PTK2: variants seen among roughly 807,000 people sequenced by gnomAD.
PTK2 encodes protein tyrosine kinase 2, also known as focal adhesion kinase 1.
Under a neutral mutation model 150.1 loss-of-function variants are expected in PTK2, and 45 were observed. The observed-to-expected ratio is 0.30, with a 90% CI of 0.24 to 0.38. The LOEUF (loss-of-function observed/expected upper bound fraction) is 0.38, where lower values mean the gene tolerates loss of function less well. Among genes scored for constraint, PTK2 ranks in the 10% least tolerant of loss-of-function variants. The pLI is 1.00. For missense variants in PTK2, 919 were observed against 1,307.3 expected (o/e 0.70, Z 4.58); for synonymous variants, 432 against 449.2 (o/e 0.96, Z 0.48).
At chr8:140,912,337 T>TA (rs924069054) in intron 2 of PTK2, among the ~76,000 whole-genome samples, 7 of 150,956 alleles carry the variant, frequency 4.6e-5, no homozygotes, top group South Asian at 4.2e-4. Flanking sequence ...GTTTTAACAT[T>TA]AAAAAAAAAT....
At chr8:140,674,228 C>T in intron 29 of PTK2, 70 bp downstream of exon 32, 1 of 1,409,534 alleles carries the variant, frequency 7.1e-7, no homozygotes, top group Non-Finnish European at 1.0e-6. Flanking sequence ...GACATGAACA[C>T]ATCAACTGAG....
chr8:140,890,261 A>G lies in PTK2; in HGVS notation c.195+282T>C, dbSNP rs183475082. 6.7e-4 allele frequency: 231 copies of G among 346,554 alleles called. 1 individual carries two copies. The highest frequency in any genetic ancestry group is 4.3e-3 in the African/African-American group (198 of 46,588). 21.5% of individuals were successfully genotyped at this position (346,554 alleles called of 1,614,324 possible). On this transcript the variant is annotated intron_variant, in intron 3 of 31. Coordinates refer to ENST00000522684, the Ensembl canonical transcript of PTK2. ...TTGCATTGTTGCCTAGTACTCATCC[A>G]AGAGTTAAAAAAAAAAAAAACCTAG...
At chr8:140,964,683 G>A (rs987325399) in intron 1 of PTK2, among the ~76,000 whole-genome samples, 3 of 151,104 alleles carry the variant, frequency 2.0e-5, no homozygotes, top group African/African-American at 7.3e-5. Flanking sequence ...TAGGATCACA[G>A]GCATGTGCCA....
chr8:140,904,289 T>C (rs2100159969), intron 2 of PTK2, among the ~76,000 whole-genome samples: 1 of 152,212 alleles, frequency 6.6e-6, no homozygotes, highest in Admixed American at 6.5e-5. Context: ...GTTTATGTGA[T>C]GGATTATGTT....
chr8:140,691,877 C>G (rs896503206), intron 26 of PTK2, among the ~76,000 whole-genome samples: 7 of 152,154 alleles, frequency 4.6e-5, no homozygotes, highest in African/African-American at 1.7e-4. Context: ...AGACGAGGAA[C>G]TTGACTTAGA....
intron 30 of PTK2, among the ~76,000 whole-genome samples, chr8:140,665,332 T>C (rs571636974): frequency 1.3e-5 from 2 of 152,184 alleles, no homozygotes; most frequent in African/African-American, 4.8e-5. Context: ...TGGCTCCAAC[T>C]GCCAACCCTG....
chr8:140,710,943 T>A (rs1394869910), intron 23 of PTK2, among the ~76,000 whole-genome samples: 1 of 152,146 alleles, frequency 6.6e-6, no homozygotes, highest in Non-Finnish European at 1.5e-5. Context: ...CCGCGGGACT[T>A]CTTTCTTTTG....
chr8:140,749,249 A>C (rs1253053249), intron 17 of PTK2, among the ~76,000 whole-genome samples: 6 of 152,200 alleles, frequency 3.9e-5, no homozygotes, highest in Non-Finnish European at 7.3e-5. Flanking sequence ...CATTCAGTTC[A>C]TTGCTTATAC....
chr8:140,740,658 G>A (rs1409489516), intron 20 of PTK2, among the ~76,000 whole-genome samples: 1 of 152,178 alleles, frequency 6.6e-6, no homozygotes, highest in East Asian at 1.9e-4. Context: ...TGAAAATTTG[G>A]ACATCATACT....
At chr8:140,843,714 T>C (rs879572875) in intron 7 of PTK2, among the ~76,000 whole-genome samples, 16 of 152,002 alleles carry the variant, frequency 1.1e-4, no homozygotes, top group Admixed American at 8.5e-4. Context: ...ATAGGCCTTT[T>C]ATTTTACAAT....
chr8:140,979,773 G>C (rs574405884), intron 1 of PTK2, among the ~76,000 whole-genome samples: 2 of 152,252 alleles, frequency 1.3e-5, no homozygotes, highest in East Asian at 3.9e-4. Flanking sequence ...GGTTTTATAA[G>C]GGGGAGTTCC....
At chr8:140,962,883 C>CA (rs1193826242) in intron 1 of PTK2, among the ~76,000 whole-genome samples, 4 of 151,816 alleles carry the variant, frequency 2.6e-5, no homozygotes, top group African/African-American at 4.8e-5. Context: ...TCCCCCCCCC[C>CA]AACCCAACCT....
intron 5 of PTK2, among the ~76,000 whole-genome samples, chr8:140,854,895 T>G (rs1422085375): frequency 1.3e-5 from 2 of 152,178 alleles, no homozygotes; most frequent in Non-Finnish European, 2.9e-5. Context: ...TCCCTCCCTC[T>G]CTTCTTTTCA....
At chr8:140,660,596 T>G (rs1250449537) in intron 31 of PTK2, 1 of 454,982 alleles carries the variant, frequency 2.2e-6, no homozygotes, top group Non-Finnish European at 4.4e-6. Flanking sequence ...TATGGTGGTG[T>G]GCACCTGTAT....
intron 1 of PTK2, among the ~76,000 whole-genome samples, chr8:140,997,095 C>CT (rs2100198083): frequency 6.6e-6 from 1 of 152,180 alleles, no homozygotes; most frequent in African/African-American, 2.4e-5. Flanking sequence ...ATGGATAACT[C>CT]TGAGGGATTC....
intron 2 of PTK2, among the ~76,000 whole-genome samples, chr8:140,895,504 A>G (rs1251838545): frequency 6.7e-6 from 1 of 149,780 alleles, no homozygotes; most frequent in African/African-American, 2.4e-5. Flanking sequence ...CCTGAGCAAC[A>G]GAGCACAACC....
intron 7 of PTK2, 147 bp from the exon 8 acceptor site, chr8:140,830,673 C>A (rs1264407442): frequency 1.1e-5 from 6 of 524,204 alleles, no homozygotes; most frequent in East Asian, 1.1e-4. Flanking sequence ...CTTTAATTTA[C>A]CAGTATATTC....
Position 140,692,948 on chromosome 8 carries a change from A to G in PTK2, c.2500-6254T>C, listed in dbSNP as rs57559324. ...TGCTATGTGAGGGAAAAATGCTCAC[A>G]TATTTCTTTCTCAAAACACAAAGTA... On this transcript the variant is annotated intron_variant, in intron 26 of 31. Transcript: ENST00000522684. 2.0e-5 allele frequency among the ~76,000 whole-genome samples: 3 copies of G among 152,310 alleles called. No homozygotes were observed. The East Asian group carries it at 5.8e-4, about 29-fold the overall frequency.
In PTK2 at chr8:140,793,394, A is replaced by C; in HGVS notation, c.1094-10T>G. ...AAAGCCCGTTCACCTTCTGCGGGGA[A>C]AAAGAAAAGAGATGCATAAGGCTCT... On this transcript the variant is annotated splice_polypyrimidine_tract_variant and intron_variant, in intron 12 of 31. Coordinates refer to ENST00000522684, the Ensembl canonical transcript of PTK2. The C allele has an allele frequency of 1.9e-6, 3 of 1,609,018 alleles. No homozygotes were observed. The highest frequency in any genetic ancestry group is 2.5e-6 in the Non-Finnish European group (3 of 1,178,664).
Sources: gnomAD v4.1 joint callset for allele counts (sites outside exome capture counted in the v4.1 genomes callset) on GRCh38, gnomAD v4.1.1 for gene constraint, MANE v1.5 for transcripts, NCBI Gene and HGNC (gene_info 2026-07-23, HGNC 2026-07-21) for gene names.